ANLN: variants seen among roughly 807,000 people sequenced by gnomAD.
The protein encoded by ANLN is anillin.
Under a neutral mutation model 135.1 loss-of-function variants are expected in ANLN, and 59 were observed. The ratio of observed to expected loss-of-function variants is 0.44; its 90% confidence interval spans 0.35 to 0.54. The LOEUF (loss-of-function observed/expected upper bound fraction) is 0.54, where lower values mean the gene tolerates loss of function less well. Ranked by LOEUF, ANLN falls within the 20% of genes least tolerant of loss-of-function variation. ANLN has a pLI of 0.00. For missense variants in ANLN, 1,182 were observed against 1,340.0 expected, an observed-to-expected ratio of 0.88 and a Z score of 1.84; for synonymous variants, 406 against 456.4, an observed-to-expected ratio of 0.89 and a Z score of 1.41.
At chr7:36,416,306 A>T (rs908707190) in intron 8 of ANLN, among the ~76,000 whole-genome samples, 4 of 152,216 alleles carry the variant, frequency 2.6e-5, no homozygotes, top group Non-Finnish European at 5.9e-5. Flanking sequence ...GGGGTCAGCC[A>T]CTGCGCCCAG....
chr7:36,422,734 A>G lies in ANLN; in HGVS notation c.2401A>G (p.Lys801Glu). The G allele has an allele frequency of 6.2e-7, 1 of 1,613,798 alleles. No homozygotes were observed. The highest frequency in any genetic ancestry group is 8.5e-7 in the Non-Finnish European group (1 of 1,179,862). Residue 801 changes from lysine (K) to glutamate (E), a missense_variant, in exon 14 of 24, where the codon AAA (lysine) becomes GAA (glutamate). Around this residue, in one of 3 missense-constraint regions of ANLN, gnomAD observed 1,022 missense variants for 1,134.0 expected, o/e 0.90. Transcript: ENST00000265748. ...TCCCCAAAGTGAATTTATGCCATCCAAAGGATCAGTTACTTTGTCAGAAAT... is the reference window on the plus strand; with the variant it reads ...TCCCCAAAGTGAATTTATGCCATCCGAAGGATCAGTTACTTTGTCAGAAAT... Reference protein sequence around the residue: ...ASPQSEFMPSKGSVTLSEIRL... With the variant: ...ASPQSEFMPSEGSVTLSEIRL...
chr7:36,438,256 T>C (rs1382698943), intron 20 of ANLN, among the ~76,000 whole-genome samples: 1 of 152,246 alleles, frequency 6.6e-6, no homozygotes, highest in Non-Finnish European at 1.5e-5. Flanking sequence ...CTTTAAATGG[T>C]CTTGGCATCC....
chr7:36,451,885 A>G (rs1789259642), intron 23 of ANLN, among the ~76,000 whole-genome samples: 3 of 152,242 alleles, frequency 2.0e-5, no homozygotes, highest in African/African-American at 7.2e-5. Flanking sequence ...CTAAATATGG[A>G]TGAAAGGAAA....
At chr7:36,396,536 A>T in intron 2 of ANLN, 117 bp downstream of exon 2, 2 of 983,826 alleles carry the variant, frequency 2.0e-6, no homozygotes, top group Non-Finnish European at 2.8e-6. Flanking sequence ...CAAATGTAAC[A>T]GCCTCTGGGG....
At chr7:36,405,556 G>T (rs1787152560) in intron 3 of ANLN, among the ~76,000 whole-genome samples, 1 of 152,164 alleles carries the variant, frequency 6.6e-6, no homozygotes, top group Non-Finnish European at 1.5e-5. Flanking sequence ...CCTAGGGAAG[G>T]CCTAGAATCT....
In ANLN at chr7:36,431,677, C is replaced by A. The variant is rs575266120; in HGVS notation, c.2883+4649C>A. On this transcript the variant is annotated intron_variant, in intron 20 of 23. Coordinates refer to ENST00000265748, the MANE Select transcript of ANLN (RefSeq NM_018685.5). ...TTCAGGGACAAATCATTGATGGAAC[C>A]AATCCAGGCCTTGTATAACCAAAAG... Among the ~76,000 whole-genome samples the A allele has an allele frequency of 1.0e-3, 150 of 144,074 alleles. 2 individuals carry two copies. Among genetic ancestry groups the A allele is most frequent in the African/African-American group, 3.6e-3 (140 of 38,904 alleles). The allele number at this position is 144,074 out of a possible 152,430, so 94.5% of individuals were successfully genotyped here.
chr7:36,400,878 T>G (rs1172709502), intron 3 of ANLN, among the ~76,000 whole-genome samples: 1 of 152,134 alleles, frequency 6.6e-6, no homozygotes, highest in African/African-American at 2.4e-5. Flanking sequence ...TAAAGCTCTT[T>G]AGGTAATTCT....
intron 3 of ANLN, among the ~76,000 whole-genome samples, chr7:36,404,320 C>G (rs1387772163): frequency 6.6e-6 from 1 of 152,150 alleles, no homozygotes; most frequent in Admixed American, 6.5e-5. Context: ...AGTAGTCTCC[C>G]CACTTATCCG....
chr7:36,405,277 T>C (rs1187052732), intron 3 of ANLN, among the ~76,000 whole-genome samples: 1 of 152,234 alleles, frequency 6.6e-6, no homozygotes, highest in Non-Finnish European at 1.5e-5. Context: ...CTCTGTGATA[T>C]ACAGATGTAC....
intron 7 of ANLN, among the ~76,000 whole-genome samples, chr7:36,411,871 C>G (rs1261616374): frequency 6.6e-6 from 1 of 152,134 alleles, no homozygotes; most frequent in East Asian, 1.9e-4. Context: ...TCTGGAACAT[C>G]TCTTCCCTGT....
At chr7:36,437,589 AT>A (rs913060253) in intron 20 of ANLN, among the ~76,000 whole-genome samples, 13 of 146,678 alleles carry the variant, frequency 8.9e-5, no homozygotes, top group African/African-American at 2.2e-4. Context: ...TTATTTTTTC[AT>A]TTTTTTTTTG....
At position 36,426,711 on chromosome 7, in the gene ANLN, A is replaced by G. The variant is rs1042654102; in HGVS notation, c.2771-205A>G. Among the ~76,000 whole-genome samples the G allele has an allele frequency of 7.2e-5, 11 of 152,190 alleles. No homozygotes were observed. The East Asian group carries it at 7.7e-4, about 11-fold the overall frequency. ...GGTCTATATCTTTAAAAACACATCC[A>G]TCCCAATTATTAAGGAGTGCTTGTA... On this transcript the variant is annotated intron_variant, in intron 19 of 23. Transcript: ENST00000265748.
intron 20 of ANLN, among the ~76,000 whole-genome samples, chr7:36,438,106 A>G (rs1241835075): frequency 6.6e-6 from 1 of 152,056 alleles, no homozygotes; most frequent in Non-Finnish European, 1.5e-5. Context: ...GAGTTTTATA[A>G]TTTTAGCTCT....
chr7:36,440,954 TA>T (rs1385623853), intron 21 of ANLN, among the ~76,000 whole-genome samples: 2 of 152,172 alleles, frequency 1.3e-5, no homozygotes, highest in Non-Finnish European at 2.9e-5. Flanking sequence ...AAGAGCTAGA[TA>T]TTAAGGAAAG....
In ANLN at chr7:36,449,739, A is replaced by G; in HGVS notation, c.3153A>G (p.Ala1051=). ...QIEPANREFC[A]RRNTFELITV... The stretch of plus-strand genomic sequence containing the variant: ...AACCAGCCAACAGAGAATTTTGTGC[A>G]AGACGCAACACTTTTGAATTAATTA... Residue 1051 remains alanine, a synonymous_variant, in exon 23 of 24, where the codon GCA becomes GCG. Coordinates refer to ENST00000265748, the MANE Select transcript of ANLN (RefSeq NM_018685.5). 1.2e-6 allele frequency: 2 copies of G among 1,614,150 alleles called. No individual in the cohort carries two copies. Among genetic ancestry groups the G allele is most frequent in the Non-Finnish European group, 8.5e-7 (1 of 1,179,998 alleles).
In ANLN at chr7:36,407,844, G is replaced by T. The variant is rs759785603; in HGVS notation, c.984G>T (p.Gly328=). The change falls in exon 5 of 24, where the codon GGG becomes GGT. Residue 328 remains glycine (G), a synonymous_variant. Coordinates refer to ENST00000265748, the MANE Select transcript of ANLN (RefSeq NM_018685.5). ...PKTPISPLKT[G]VSKPIVKSTL... ...CTCCTATTAGTCCTCTGAAAACGGG[G>T]GTATCGAAACCAATTGTGAAGTCAA... 1 of 1,613,736 alleles carries T rather than the reference G, an allele frequency of 6.2e-7. No homozygotes were observed. The highest frequency in any genetic ancestry group is 8.5e-7 in the Non-Finnish European group (1 of 1,179,806).
At chr7:36,426,158 T>C (rs990659679) in intron 19 of ANLN, 122 bp downstream of exon 19, 2 of 748,556 alleles carry the variant, frequency 2.7e-6, no homozygotes, top group Admixed American at 3.3e-5. Context: ...TTTGGAATAA[T>C]ATTTTCTATG....
At chr7:36,414,732 C>T (rs1347354392) in intron 7 of ANLN, among the ~76,000 whole-genome samples, 3 of 152,184 alleles carry the variant, frequency 2.0e-5, no homozygotes, top group East Asian at 3.9e-4. Context: ...TTTTAATCCA[C>T]TCATCTGCAT....
At chr7:36,393,449 T>C (rs993780890) in intron 1 of ANLN, among the ~76,000 whole-genome samples, 1 of 152,148 alleles carries the variant, frequency 6.6e-6, no homozygotes, top group Non-Finnish European at 1.5e-5. Context: ...GGAACAGGGA[T>C]TTATGCCTAA....
Sources: gnomAD v4.1 joint callset for allele counts (sites outside exome capture counted in the v4.1 genomes callset) on GRCh38, gnomAD v4.1.1 for gene constraint, gnomAD v4.1.1 regional missense constraint, MANE v1.5 for transcripts, NCBI Gene and HGNC (gene_info 2026-07-23, HGNC 2026-07-21) for gene names.